TGFA: variants seen among roughly 807,000 people sequenced by gnomAD.
The protein encoded by TGFA is protransforming growth factor alpha.
A neutral mutation model predicts 21.7 loss-of-function variants in TGFA; 12 were observed. The ratio of observed to expected loss-of-function variants is 0.55; its 90% CI spans 0.35 to 0.90. TGFA has a LOEUF of 0.90. Among genes scored for constraint, TGFA ranks in the 40% least tolerant of loss-of-function variants. TGFA has a pLI of 0.01. For synonymous variants in TGFA, 79 were observed against 88.1 expected, an observed-to-expected ratio of 0.90 and a Z score of 0.58; for missense variants, 178 against 210.8, an observed-to-expected ratio of 0.84 and a Z score of 0.96.
chr2:70,550,605 G>A (rs1052800506), intron 1 of TGFA, among the ~76,000 whole-genome samples: 1 of 152,040 alleles, frequency 6.6e-6, no homozygotes, highest in Non-Finnish European at 1.5e-5. Flanking sequence ...TGGATCACGC[G>A]GTCAGGAGAT....
chr2:70,522,491 G>C (rs889219606), intron 1 of TGFA, among the ~76,000 whole-genome samples: 4 of 152,148 alleles, frequency 2.6e-5, no homozygotes, highest in Admixed American at 6.5e-5. Context: ...CTGGAGTACA[G>C]TGGCATGATC....
intron 2 of TGFA, among the ~76,000 whole-genome samples, chr2:70,505,881 G>T (rs1553500084): frequency 6.6e-6 from 1 of 152,168 alleles, no homozygotes; most frequent in Non-Finnish European, 1.5e-5. Flanking sequence ...ACGTAATTGG[G>T]CCGTAACTTT....
intron 5 of TGFA, chr2:70,451,681 T>TTAGCACCAATAG: frequency 1.5e-6 from 1 of 679,738 alleles, no homozygotes; most frequent in Non-Finnish European, 2.6e-6. Flanking sequence ...CTTAAAAGAT[T>TTAGCACCAATAG]AAAAACATTT....
chr2:70,546,853 C>A (rs1045648790), intron 1 of TGFA, among the ~76,000 whole-genome samples: 3 of 152,026 alleles, frequency 2.0e-5, no homozygotes, highest in Non-Finnish European at 2.9e-5. Flanking sequence ...CCTTGCTTGG[C>A]CAGAAAACCT....
intron 1 of TGFA, among the ~76,000 whole-genome samples, chr2:70,521,617 G>T (rs2461519): frequency 0.14 from 12,015 of 86,730 alleles, 1,867 homozygotes; most frequent in African/African-American, 0.25. Flanking sequence ...TTGTTTGTTT[G>T]TTTTTTTTTT....
intron 1 of TGFA, among the ~76,000 whole-genome samples, chr2:70,524,739 G>A (rs782185148): frequency 1.3e-5 from 2 of 152,230 alleles, no homozygotes; most frequent in Non-Finnish European, 2.9e-5. Context: ...TAGGGACAAA[G>A]CTGGGGATAA....
intron 3 of TGFA, among the ~76,000 whole-genome samples, chr2:70,458,267 G>A (rs369056099): frequency 6.6e-6 from 1 of 152,174 alleles, no homozygotes; most frequent in Non-Finnish European, 1.5e-5. Context: ...CTTAGGCAGT[G>A]CATAAATCTA....
intron 3 of TGFA, among the ~76,000 whole-genome samples, chr2:70,464,080 C>T (rs1670481245): frequency 6.6e-6 from 1 of 152,224 alleles, no homozygotes. Flanking sequence ...CCTGCCCAGA[C>T]TCACACAGCT....
intron 1 of TGFA, among the ~76,000 whole-genome samples, chr2:70,552,494 T>C (rs1298741665): frequency 6.6e-6 from 1 of 152,180 alleles, no homozygotes; most frequent in Non-Finnish European, 1.5e-5. Flanking sequence ...TCTTCAAAAA[T>C]GTGGGGGAAA....
rs368701835 is a variant in TGFA at position 70,529,564 on chromosome 2, C to T, written c.41-14652G>A. Among the ~76,000 whole-genome samples, 293 of 149,894 alleles carry T rather than the reference C, an allele frequency of 2.0e-3. 5 individuals are homozygous for T. The South Asian group carries it at 0.039, about 20-fold the overall frequency. On this transcript the variant is annotated intron_variant, in intron 1 of 5. Transcript: ENST00000295400. ...TCTGGAAATATCTGGAGGAAGAGCA[C>T]GTGCAAAGGTCCTGAGGAGTGAATC...
At chr2:70,504,311 G>A (rs1671832658) in intron 2 of TGFA, among the ~76,000 whole-genome samples, 1 of 151,340 alleles carries the variant, frequency 6.6e-6, no homozygotes, top group African/African-American at 2.4e-5. Context: ...TTGGGAGGCT[G>A]AGTTGGGAGG....
chr2:70,524,091 C>T (rs1553502651), intron 1 of TGFA, among the ~76,000 whole-genome samples: 1 of 152,192 alleles, frequency 6.6e-6, no homozygotes, highest in Non-Finnish European at 1.5e-5. Flanking sequence ...ACTCACACTG[C>T]CACACAGACA....
chr2:70,536,547 G>A (rs1466196636), intron 1 of TGFA, among the ~76,000 whole-genome samples: 9 of 152,156 alleles, frequency 5.9e-5, no homozygotes, highest in Non-Finnish European at 1.0e-4. Context: ...AACAGAAAGA[G>A]AGCTGAAAAA....
At chr2:70,486,268 C>T (rs1203586576) in intron 2 of TGFA, among the ~76,000 whole-genome samples, 3 of 152,116 alleles carry the variant, frequency 2.0e-5, no homozygotes, top group East Asian at 1.9e-4. Flanking sequence ...CCTTAAGGGA[C>T]GAAGGGTACA....
chr2:70,539,113 A>C (rs1027079892), intron 1 of TGFA, among the ~76,000 whole-genome samples: 5 of 152,246 alleles, frequency 3.3e-5, no homozygotes, highest in Non-Finnish European at 7.3e-5. Flanking sequence ...ATTTTTAATT[A>C]AGGTATGTAA....
intron 2 of TGFA, among the ~76,000 whole-genome samples, chr2:70,478,554 A>G (rs911518615): frequency 6.6e-6 from 1 of 152,202 alleles, no homozygotes; most frequent in Non-Finnish European, 1.5e-5. Flanking sequence ...ATATCTTGTT[A>G]TAACTGGGAA....
chr2:70,461,253 A>G (rs1024012633), intron 3 of TGFA, among the ~76,000 whole-genome samples: 1 of 152,110 alleles, frequency 6.6e-6, no homozygotes, highest in Admixed American at 6.5e-5. Context: ...GAGGACCTGC[A>G]CTTTCTCCAG....
At chr2:70,503,340 C>T (rs1316958933) in intron 2 of TGFA, among the ~76,000 whole-genome samples, 6 of 149,658 alleles carry the variant, frequency 4.0e-5, no homozygotes, top group Admixed American at 6.7e-5. Context: ...AACCAAACAC[C>T]GCATGTTCTC....
intron 1 of TGFA, among the ~76,000 whole-genome samples, chr2:70,516,043 T>G (rs1672266740): frequency 6.6e-6 from 1 of 152,220 alleles, no homozygotes; most frequent in Admixed American, 6.5e-5. Flanking sequence ...GACCTTTATG[T>G]GCCTTCAGAT....
Sources: gnomAD v4.1 joint callset for allele counts (sites outside exome capture counted in the v4.1 genomes callset) on GRCh38, gnomAD v4.1.1 for gene constraint, MANE v1.5 for transcripts, NCBI Gene and HGNC (gene_info 2026-07-23, HGNC 2026-07-21) for gene names.